The following PTBP3 variants were observed in gnomAD, a reference collection of about 807,000 sequenced individuals.
The protein encoded by PTBP3 is polypyrimidine tract binding protein 3, also known as polypyrimidine tract-binding protein 3.
In PTBP3, 20 loss-of-function variants were observed where a neutral mutation model predicts 58.7. The observed-to-expected ratio is 0.34, with a 90% CI of 0.24 to 0.50. PTBP3 has a LOEUF of 0.50. PTBP3 is among the 20% of genes least tolerant of loss of function. PTBP3 has a pLI of 0.98. For missense variants in PTBP3, 509 were observed against 637.2 expected, an observed-to-expected ratio of 0.80 and a Z score of 2.17; for synonymous variants, 185 against 219.8, an observed-to-expected ratio of 0.84 and a Z score of 1.40.
rs960878028 is a variant in PTBP3 at position 112,219,535 on chromosome 9, A to C, written c.*4316T>G. 7 of 152,614 alleles carry C rather than the reference A, an allele frequency of 4.6e-5. No homozygotes were observed. Among genetic ancestry groups the C allele is most frequent in the African/African-American group, 1.7e-4 (7 of 41,452 alleles). The allele number at this position is 152,614 out of a possible 1,614,324, so 9.5% of individuals were successfully genotyped here. A position where few individuals can be genotyped will look rare whatever the true frequency, so the allele number is the denominator to read the frequency against. ...ATGCCTCAGGTTACAAAAACTAAGGAAACTACCACAAAGATTTTGAGCAGC... is the reference window on the plus strand; with the variant it reads ...ATGCCTCAGGTTACAAAAACTAAGGCAACTACCACAAAGATTTTGAGCAGC... On this transcript the variant is annotated 3_prime_UTR_variant, in exon 14 of 14. Coordinates refer to ENST00000374257, the MANE Select transcript of PTBP3 (RefSeq NM_001163788.4).
At chr9:112,316,489 T>C (rs1219368650) in intron 1 of PTBP3, among the ~76,000 whole-genome samples, 1 of 152,178 alleles carries the variant, frequency 6.6e-6, no homozygotes, top group Non-Finnish European at 1.5e-5. Context: ...CGAACATGGA[T>C]TCTTCCCTGG....
chr9:112,353,502 T>A, the PTBP3 span, among the ~76,000 whole-genome samples: 1 of 150,062 alleles, frequency 6.7e-6, no homozygotes, highest in African/African-American at 2.5e-5. Flanking sequence ...CACCTCGGCC[T>A]CCCAAAGTGC....
chr9:112,330,513 G>T, intron 1 of PTBP3: 3 of 1,393,860 alleles, frequency 2.2e-6, no homozygotes, highest in Non-Finnish European at 3.0e-6. Flanking sequence ...GGAAAACAAA[G>T]TTAGAGAACA....
chr9:112,289,297 G>A (rs1480226602), intron 2 of PTBP3, among the ~76,000 whole-genome samples: 2 of 152,000 alleles, frequency 1.3e-5, no homozygotes, highest in Non-Finnish European at 2.9e-5. Flanking sequence ...TTTGTTGAAC[G>A]TGATGAAAAT....
chr9:112,221,980 C>G lies in PTBP3; in HGVS notation c.*1871G>C, dbSNP rs1834822434. 11 of 919,196 alleles carry G rather than the reference C, an allele frequency of 1.2e-5. No individual in the cohort carries two copies. The highest frequency in any genetic ancestry group is 1.4e-5 in the Non-Finnish European group (11 of 769,696). 56.9% of individuals were successfully genotyped at this position (919,196 alleles called of 1,614,324 possible). A position where few individuals can be genotyped will look rare whatever the true frequency, so the allele number is the denominator to read the frequency against. ...TGAAGTGGCTATTCACAAATGTGAT[C>G]ATAGCGCACTGCAGCCTTGAACTCC... On this transcript the variant is annotated 3_prime_UTR_variant, in exon 14 of 14. Coordinates refer to ENST00000374257, the MANE Select transcript of PTBP3 (RefSeq NM_001163788.4).
chr9:112,366,319 G>A, the PTBP3 span, among the ~76,000 whole-genome samples: 11 of 151,746 alleles, frequency 7.2e-5, 1 homozygote, highest in Admixed American at 7.2e-4. Context: ...GGAGCTGAAT[G>A]GTAATTCCCA....
the PTBP3 span, among the ~76,000 whole-genome samples, chr9:112,345,156 A>C: frequency 8.6e-5 from 13 of 151,892 alleles, no homozygotes; most frequent in African/African-American, 2.7e-4. Context: ...TATATACTTT[A>C]AAATGGTTAA....
chr9:112,225,993 G>A (rs961501071), intron 12 of PTBP3, among the ~76,000 whole-genome samples: 2 of 152,024 alleles, frequency 1.3e-5, no homozygotes, highest in African/African-American at 4.8e-5. Context: ...GCAGTGAGCT[G>A]AGATCACACC....
chr9:112,303,952 A>G (rs1829058426), intron 1 of PTBP3, among the ~76,000 whole-genome samples: 1 of 152,064 alleles, frequency 6.6e-6, no homozygotes, highest in Non-Finnish European at 1.5e-5. Context: ...GGATCACTTG[A>G]GGTCGGGAGT....
intron 7 of PTBP3, among the ~76,000 whole-genome samples, chr9:112,246,606 T>C (rs1189203318): frequency 1.3e-5 from 2 of 150,166 alleles, no homozygotes; most frequent in Admixed American, 6.6e-5. Flanking sequence ...GGCAGGAGTA[T>C]GGTGTGAACC....
At chr9:112,264,516 A>C (rs772343773) in intron 4 of PTBP3, among the ~76,000 whole-genome samples, 1 of 152,228 alleles carries the variant, frequency 6.6e-6, no homozygotes, top group Admixed American at 6.5e-5. Flanking sequence ...AGTAAAGTGC[A>C]TATTTTGGGA....
chr9:112,334,783 G>C (rs1476596478), upstream of PTBP3, among the ~76,000 whole-genome samples: 3 of 152,194 alleles, frequency 2.0e-5, no homozygotes, highest in Admixed American at 2.0e-4. Context: ...GCCGGGCACT[G>C]CATGAATACA....
intron 7 of PTBP3, among the ~76,000 whole-genome samples, chr9:112,245,960 T>C (rs1835859363): frequency 6.6e-6 from 1 of 152,136 alleles, no homozygotes; most frequent in Non-Finnish European, 1.5e-5. Flanking sequence ...ATTACAGGTG[T>C]GAGCCACTGT....
chr9:112,333,518 T>C lies in PTBP3; in HGVS notation c.-100A>G. 1 of 1,582,048 alleles carries C rather than the reference T, an allele frequency of 6.3e-7. No individual in the cohort carries two copies. The highest frequency in any genetic ancestry group is 1.1e-5 in the South Asian group (1 of 87,918). ...GCGCACAGAGCAGGGACTGACGGGC[T>C]AACCGCGAGCAGAGGAAGCAGGCGG... On this transcript the variant is annotated 5_prime_UTR_variant, in exon 1 of 14. Transcript: ENST00000374257.
chr9:112,308,808 A>G (rs113274900), intron 1 of PTBP3, among the ~76,000 whole-genome samples: 1,900 of 152,148 alleles, frequency 0.012, 42 homozygotes, highest in African/African-American at 0.044. Flanking sequence ...AAATTTACAT[A>G]AGTCCAGCAG....
chr9:112,316,096 C>T (rs538333391), intron 1 of PTBP3, among the ~76,000 whole-genome samples: 7 of 152,272 alleles, frequency 4.6e-5, no homozygotes, highest in African/African-American at 1.4e-4. Context: ...CTGGAACCAT[C>T]TAGTAAAGTT....
chr9:112,364,868 TGTA>T, the PTBP3 span, among the ~76,000 whole-genome samples: 78 of 152,308 alleles, frequency 5.1e-4, no homozygotes, highest in African/African-American at 1.7e-3. Context: ...GTCACTATGT[TGTA>T]TATTAGATTT....
intron 2 of PTBP3, among the ~76,000 whole-genome samples, chr9:112,296,870 T>A (rs1202367255): frequency 6.6e-6 from 1 of 152,238 alleles, no homozygotes; most frequent in Non-Finnish European, 1.5e-5. Context: ...TATCCCTTAT[T>A]CAAACATTCA....
intron 2 of PTBP3, among the ~76,000 whole-genome samples, chr9:112,292,595 A>C (rs1008073712): frequency 7.2e-5 from 11 of 152,204 alleles, no homozygotes; most frequent in Non-Finnish European, 2.9e-5. Context: ...TATTCACCCT[A>C]CAAAAAAGGG....
Sources: allele counts gnomAD v4.1 joint callset (sites outside exome capture counted in the v4.1 genomes callset), GRCh38; gene constraint gnomAD v4.1.1; transcripts MANE v1.5; gene names NCBI Gene and HGNC (gene_info 2026-07-23, HGNC 2026-07-21).